Variants in CEP112 observed in about 807,000 individuals in gnomAD.
CEP112 encodes the protein centrosomal protein of 112 kDa.
In CEP112, 127 loss-of-function variants were observed where a neutral mutation model predicts 153.0. That is an observed-to-expected ratio of 0.83 (90% CI 0.72 to 0.96). CEP112 has a LOEUF of 0.96. Ranked by LOEUF, CEP112 falls within the 40% of genes least tolerant of loss-of-function variation. The probability of loss-of-function intolerance (pLI) is 0.00; values close to 1 mark genes in which losing one functional copy is unlikely to be tolerated. For missense variants in CEP112, 1,089 were observed against 1,101.2 expected, an observed-to-expected ratio of 0.99 and a Z score of 0.16; for synonymous variants, 358 against 374.4, an observed-to-expected ratio of 0.96 and a Z score of 0.51.
intron 4 of CEP112, among the ~76,000 whole-genome samples, chr17:66,146,975 T>C (rs867437180): frequency 2.3e-4 from 35 of 152,178 alleles, no homozygotes; most frequent in African/African-American, 7.5e-4. Context: ...AAGATGAATA[T>C]GCAAATATCT....
intron 14 of CEP112, among the ~76,000 whole-genome samples, chr17:66,028,873 A>ATT (rs1255687404): frequency 9.4e-6 from 1 of 106,720 alleles, no homozygotes; most frequent in Non-Finnish European, 2.1e-5. Flanking sequence ...TCCTTTTAAG[A>ATT]CTGGCACTTA....
chr17:65,636,973 C>A, intron 26 of CEP112, 151 bp downstream of exon 26: 1 of 632,446 alleles, frequency 1.6e-6, no homozygotes, highest in Non-Finnish European at 2.8e-6. Flanking sequence ...GGGGTGACTT[C>A]TTAAAGACAT....
At chr17:65,990,754 A>T (rs1292039131) in intron 17 of CEP112, among the ~76,000 whole-genome samples, 1 of 152,250 alleles carries the variant, frequency 6.6e-6, no homozygotes, top group Non-Finnish European at 1.5e-5. Flanking sequence ...AGCTGGGCTC[A>T]GAGCCAGTGG....
intron 8 of CEP112, among the ~76,000 whole-genome samples, chr17:66,089,065 A>T (rs1161161671): frequency 6.6e-6 from 1 of 152,148 alleles, no homozygotes; most frequent in Non-Finnish European, 1.5e-5. Context: ...TCCAGGCTCC[A>T]AGCTCAAACA....
chr17:65,658,357 T>C (rs2143768788), intron 24 of CEP112, among the ~76,000 whole-genome samples: 1 of 152,326 alleles, frequency 6.6e-6, no homozygotes, highest in East Asian at 1.9e-4. Context: ...GAGGAACTCC[T>C]AGTCTGATCT....
intron 10 of CEP112, among the ~76,000 whole-genome samples, chr17:66,064,670 T>C (rs1226661005): frequency 2.0e-5 from 3 of 152,188 alleles, no homozygotes; most frequent in African/African-American, 4.8e-5. Flanking sequence ...CCATCTACAA[T>C]ATATTTTACT....
chr17:65,934,044 A>C (rs1315870470), intron 18 of CEP112, among the ~76,000 whole-genome samples: 1 of 152,116 alleles, frequency 6.6e-6, no homozygotes, highest in Non-Finnish European at 1.5e-5. Flanking sequence ...CAAAAGTTAC[A>C]TGGGCACAGT....
chr17:65,915,233 T>C (rs2060432856), intron 19 of CEP112, among the ~76,000 whole-genome samples: 1 of 152,168 alleles, frequency 6.6e-6, no homozygotes, highest in African/African-American at 2.4e-5. Context: ...ATCCACCTGG[T>C]TGCTCAGTTG....
At chr17:66,045,530 T>A (rs908590883) in intron 12 of CEP112, among the ~76,000 whole-genome samples, 1 of 152,208 alleles carries the variant, frequency 6.6e-6, no homozygotes, top group Non-Finnish European at 1.5e-5. Context: ...GCAGTGATTT[T>A]CAAATTGTGG....
At chr17:65,913,061 G>C (rs1156985294) in intron 19 of CEP112, among the ~76,000 whole-genome samples, 1 of 152,192 alleles carries the variant, frequency 6.6e-6, no homozygotes, top group Non-Finnish European at 1.5e-5. Flanking sequence ...ACAGGCAACA[G>C]GTACATCAGG....
intron 16 of CEP112, among the ~76,000 whole-genome samples, chr17:66,018,371 A>G (rs554309818): frequency 1.1e-4 from 17 of 152,120 alleles, no homozygotes; most frequent in Middle Eastern, 3.4e-3. Context: ...TGTAGATAAG[A>G]AAGAGATTGT....
intron 24 of CEP112, among the ~76,000 whole-genome samples, chr17:65,683,923 C>T (rs896348399): frequency 7.9e-5 from 12 of 152,140 alleles, no homozygotes; most frequent in Non-Finnish European, 1.0e-4. Context: ...CGTCTGTAAT[C>T]CCAGCTACTC....
chr17:66,017,620 T>C (rs552930430), intron 16 of CEP112, among the ~76,000 whole-genome samples: 10 of 152,142 alleles, frequency 6.6e-5, no homozygotes, highest in Non-Finnish European at 1.5e-4. Flanking sequence ...GTGGGTGACA[T>C]AAGTAAACAC....
At chr17:65,887,837 C>T (rs1260877761) in intron 20 of CEP112, among the ~76,000 whole-genome samples, 1 of 152,196 alleles carries the variant, frequency 6.6e-6, no homozygotes, top group Non-Finnish European at 1.5e-5. Flanking sequence ...ACAGGAGCAT[C>T]TTGGGGTTTA....
At chr17:65,931,210 C>T (rs1486525565) in intron 18 of CEP112, among the ~76,000 whole-genome samples, 2 of 152,220 alleles carry the variant, frequency 1.3e-5, no homozygotes, top group Non-Finnish European at 2.9e-5. Flanking sequence ...AGTTCCACAG[C>T]TCCAGTCTAT....
At chr17:65,744,346 C>T (rs773293898) in intron 22 of CEP112, among the ~76,000 whole-genome samples, 15 of 152,044 alleles carry the variant, frequency 9.9e-5, no homozygotes, top group African/African-American at 3.4e-4. Context: ...CTCCACCTCC[C>T]GGGTTCAAGT....
intron 17 of CEP112, among the ~76,000 whole-genome samples, chr17:66,003,777 G>A (rs545278312): frequency 3.3e-5 from 5 of 152,208 alleles, no homozygotes; most frequent in African/African-American, 1.2e-4. Flanking sequence ...TCACAGGAGC[G>A]TGAACCCTAT....
chr17:65,733,474 A>G (rs1346652291), intron 23 of CEP112, among the ~76,000 whole-genome samples: 1 of 152,252 alleles, frequency 6.6e-6, no homozygotes, highest in Non-Finnish European at 1.5e-5. Context: ...CAAACCTTGA[A>G]TTGTAAAAAA....
rs570956107 is a variant in CEP112 at position 65,714,898 on chromosome 17, G to A, written c.2608-25680C>T. Among the ~76,000 whole-genome samples the A allele has an allele frequency of 5.9e-5, 9 of 152,218 alleles. No individual in the cohort carries two copies. In the South Asian group the frequency reaches 1.9e-3, roughly 32 times the overall value. ...TAGTGGAGCTGTTAGGCAGTGGGGA[G>A]CAGTTGAAAGCTTTTGAGTAGGGGA... On this transcript the variant is annotated intron_variant, in intron 23 of 26. Transcript: ENST00000535342.
Sources: allele counts gnomAD v4.1 joint callset (sites outside exome capture counted in the v4.1 genomes callset), GRCh38; gene constraint gnomAD v4.1.1; transcripts MANE v1.5; gene names NCBI Gene and HGNC (gene_info 2026-07-23, HGNC 2026-07-21).